RUNX3: variants seen among roughly 807,000 people sequenced by gnomAD.
The protein encoded by RUNX3 is RUNX family transcription factor 3, also known as runt-related transcription factor 3.
In RUNX3, 10 loss-of-function variants were observed where a neutral mutation model predicts 27.7. The observed-to-expected ratio is 0.36, with a 90% CI of 0.22 to 0.61. The LOEUF is 0.61. RUNX3 is among the 20% of genes least tolerant of loss of function. The pLI, the probability that RUNX3 is intolerant of heterozygous loss-of-function variation, is 0.72. For synonymous variants in RUNX3, 270 were observed against 269.2 expected, an observed-to-expected ratio of 1.00 and a Z score of -0.03; for missense variants, 469 against 629.5, an observed-to-expected ratio of 0.75 and a Z score of 2.73.
chr1:24,949,288 A>T (rs1001286709), intron 2 of RUNX3, among the ~76,000 whole-genome samples: 1 of 152,172 alleles, frequency 6.6e-6, no homozygotes, highest in African/African-American at 2.4e-5. Context: ...TGTAAGAAGC[A>T]GAGCCAAGAT....
intron 2 of RUNX3, among the ~76,000 whole-genome samples, chr1:24,926,926 C>T (rs1183574758): frequency 6.6e-6 from 1 of 151,748 alleles, no homozygotes; most frequent in Non-Finnish European, 1.5e-5. Flanking sequence ...TTCAACAGCC[C>T]CCCACCCCCG....
At chr1:24,964,477 A>G (rs745399927) in intron 2 of RUNX3, 5 of 1,559,864 alleles carry the variant, frequency 3.2e-6, no homozygotes, top group Non-Finnish European at 3.5e-6. Flanking sequence ...GCCTGGCCAC[A>G]GCTCCCCACC....
At chr1:24,961,396 G>A (rs1363491423) in intron 2 of RUNX3, 3 of 152,202 alleles carry the variant, frequency 2.0e-5, no homozygotes, top group Non-Finnish European at 2.9e-5. Context: ...GGTAGTAGGA[G>A]CTCGGTGATA....
chr1:24,931,813 C>T (rs1641235882), upstream of RUNX3, among the ~76,000 whole-genome samples: 1 of 152,162 alleles, frequency 6.6e-6, no homozygotes, highest in Admixed American at 6.5e-5. Context: ...CCTCACAGCA[C>T]GCCCTCAGGC....
chr1:24,912,509 T>C (rs375460482), intron 3 of RUNX3, among the ~76,000 whole-genome samples: 4 of 152,154 alleles, frequency 2.6e-5, no homozygotes, highest in African/African-American at 9.6e-5. Context: ...TCTCCCACAG[T>C]AGATCCCCAT....
chr1:24,934,080 AG>A (rs1641292115), upstream of RUNX3, among the ~76,000 whole-genome samples: 1 of 152,166 alleles, frequency 6.6e-6, no homozygotes, highest in African/African-American at 2.4e-5. Context: ...TCCCTCTAGG[AG>A]GGGAGGGGCA....
In RUNX3 at chr1:24,901,686, G is replaced by A. The variant is rs539616388; in HGVS notation, c.*436C>T. On this transcript the variant is annotated 3_prime_UTR_variant, in exon 5 of 5. Coordinates refer to ENST00000308873, the MANE Select transcript of RUNX3 (RefSeq NM_004350.3). ...ACCCAGGGGATGCAGGGGCTCCAAC[G>A]AAGGTGCAGGGGTCGGGAGGTTTCC... The A allele has an allele frequency of 1.4e-4, 23 of 168,624 alleles. No individual in the cohort carries two copies. The highest frequency in any genetic ancestry group is 5.3e-4 in the Admixed American group (9 of 16,938). The allele number at this position is 168,624 out of a possible 1,614,324, so 10.4% of individuals were successfully genotyped here. A position where few individuals can be genotyped will look rare whatever the true frequency, so the allele number is the denominator to read the frequency against.
chr1:24,953,257 C>T (rs1447035232), intron 2 of RUNX3, among the ~76,000 whole-genome samples: 2 of 150,002 alleles, frequency 1.3e-5, no homozygotes, highest in Non-Finnish European at 3.0e-5. Flanking sequence ...CCCAGCTACT[C>T]GAGAGGCTGA....
At chr1:24,954,352 A>G (rs1029757255) in intron 2 of RUNX3, among the ~76,000 whole-genome samples, 2 of 152,252 alleles carry the variant, frequency 1.3e-5, no homozygotes, top group Middle Eastern at 3.4e-3. Flanking sequence ...TAAAATCTTC[A>G]AGCTATGCTC....
rs560382778 is a variant in RUNX3 at position 24,960,362 on chromosome 1, A to T, written c.58+4152T>A. On this transcript the variant is annotated intron_variant, in intron 2 of 6. Transcript: ENST00000338888. ...ACAGATGAGGAAACCAGAGACAGAG[A>T]AGTGAAGTAACTCATGCAGGTGACG... Among the ~76,000 whole-genome samples, 4 of 152,322 alleles carry T rather than the reference A, an allele frequency of 2.6e-5. 1 individual carries two copies. Among genetic ancestry groups the T allele is most frequent in the African/African-American group, 9.6e-5 (4 of 41,566 alleles).
At chr1:24,905,476 G>T (rs1487831950) in intron 4 of RUNX3, among the ~76,000 whole-genome samples, 2 of 152,328 alleles carry the variant, frequency 1.3e-5, no homozygotes, top group Non-Finnish European at 2.9e-5. Flanking sequence ...CCAGTGCTGT[G>T]GGGGGCTAGC....
chr1:24,928,306 GCCA>G, intron 1 of RUNX3, among the ~76,000 whole-genome samples: 1 of 152,180 alleles, frequency 6.6e-6, no homozygotes, highest in South Asian at 2.1e-4. Context: ...TTTGAAAAAG[GCCA>G]CCAGAAAACC....
At position 24,930,261 on chromosome 1, in the gene RUNX3, T is replaced by C; in HGVS notation, c.-393A>G. On this transcript the variant is annotated 5_prime_UTR_variant, in exon 1 of 5. Coordinates refer to ENST00000308873, the MANE Select transcript of RUNX3 (RefSeq NM_004350.3). This position sits in a 1 kb window ranked among gnomAD's most constrained non-coding sequence, Gnocchi z 4.1. ...GCGGCCGCAGCCCCAGAACAAATCC[T>C]CCAGAATCAAGTGGCGGGGCCGCGG... The C allele has an allele frequency of 2.0e-6, 2 of 981,640 alleles. No individual in the cohort carries two copies. The highest frequency in any genetic ancestry group is 2.4e-6 in the Non-Finnish European group (2 of 827,730). The allele number at this position is 981,640 out of a possible 1,614,324, so 60.8% of individuals were successfully genotyped here. A position where few individuals can be genotyped will look rare whatever the true frequency, so the allele number is the denominator to read the frequency against.
At chr1:24,952,535 C>A (rs907405514) in intron 2 of RUNX3, among the ~76,000 whole-genome samples, 3 of 152,212 alleles carry the variant, frequency 2.0e-5, no homozygotes, top group Admixed American at 6.5e-5. Flanking sequence ...TCTGAACACA[C>A]GTTGGGAGAT....
rs1363048108 is a variant in RUNX3 at position 24,930,066 on chromosome 1, G to A, written c.-198C>T. 2 of 980,256 alleles carry A rather than the reference G, an allele frequency of 2.0e-6. No homozygotes were observed. The highest frequency in any genetic ancestry group is 4.7e-5 in the South Asian group (1 of 21,270). 60.7% of individuals were successfully genotyped at this position (980,256 alleles called of 1,614,324 possible). On this transcript the variant is annotated 5_prime_UTR_variant, in exon 1 of 5. Coordinates refer to ENST00000308873, the MANE Select transcript of RUNX3 (RefSeq NM_004350.3). The surrounding 1 kb of genome is among the most constrained non-coding windows in gnomAD (Gnocchi z 4.1). ...GCCCGCTGCGAGGCCTCGCTGGCCC[G>A]ACGGCCGCCCGCAGCCTGCCCGGCT...
At chr1:24,954,300 C>T (rs184102900) in intron 2 of RUNX3, among the ~76,000 whole-genome samples, 1 of 152,290 alleles carries the variant, frequency 6.6e-6, no homozygotes, top group East Asian at 1.9e-4. Context: ...AGGGTGGGGA[C>T]GTTGGTTGGA....
intron 2 of RUNX3, among the ~76,000 whole-genome samples, chr1:24,964,282 GC>G (rs1157255025): frequency 2.0e-5 from 3 of 152,222 alleles, no homozygotes; most frequent in African/African-American, 4.8e-5. Context: ...AGTATCCATC[GC>G]CCCCACGGCT....
chr1:24,916,526 G>A lies in RUNX3; in HGVS notation c.544+2714C>T, dbSNP rs918569873. Among the ~76,000 whole-genome samples, 2 of 152,198 alleles carry A rather than the reference G, an allele frequency of 1.3e-5. No homozygotes were observed. The highest frequency in any genetic ancestry group is 4.8e-5 in the African/African-American group (2 of 41,464). ...ACTTTGCACAGGGCCTGACGCAAGG[G>A]AGGGGGTTGCTCAGTGACCAGGAGC... is the stretch of plus-strand genomic sequence containing the variant. On this transcript the variant is annotated intron_variant, in intron 3 of 4. Coordinates refer to ENST00000308873, the MANE Select transcript of RUNX3 (RefSeq NM_004350.3). The surrounding 1 kb of genome is among the most constrained non-coding windows in gnomAD (Gnocchi z 4.8).
At chr1:24,949,451 G>A (rs1237642675) in intron 2 of RUNX3, among the ~76,000 whole-genome samples, 8 of 152,138 alleles carry the variant, frequency 5.3e-5, no homozygotes, top group African/African-American at 2.4e-5. Context: ...ACCCTGCCCA[G>A]CACCCACACC....
Sources: allele counts gnomAD v4.1 joint callset (sites outside exome capture counted in the v4.1 genomes callset), GRCh38; gene constraint gnomAD v4.1.1; non-coding constraint Gnocchi (gnomAD v3.1); transcripts MANE v1.5; gene names NCBI Gene and HGNC (gene_info 2026-07-23, HGNC 2026-07-21).